Variants in RARB observed in about 807,000 individuals in gnomAD.
RARB encodes HBV-activated protein.
Under a neutral mutation model 51.9 loss-of-function variants are expected in RARB, and 17 were observed. The ratio of observed to expected loss-of-function variants is 0.33; its 90% CI spans 0.22 to 0.49. RARB has a LOEUF of 0.49. Among genes scored for constraint, RARB ranks in the 20% least tolerant of loss-of-function variants. RARB has a pLI of 0.99. For synonymous variants in RARB, 215 were observed against 195.4 expected (o/e 1.10, Z -0.84); for missense variants, 369 against 550.8 (o/e 0.67, Z 3.30).
intron 2 of RARB, among the ~76,000 whole-genome samples, chr3:24,982,901 C>T (rs148027886): frequency 1.5e-3 from 234 of 152,296 alleles, no homozygotes; most frequent in African/African-American, 5.4e-3. Context: ...CCTATGTCTT[C>T]ATGACCTTTA....
intron 3 of RARB, among the ~76,000 whole-genome samples, chr3:25,559,836 G>A (rs150205782): frequency 9.5e-4 from 144 of 152,228 alleles, no homozygotes; most frequent in African/African-American, 3.3e-3. Context: ...TGGGACAGAT[G>A]AATGGGCAGC....
At chr3:25,297,646 T>G (rs78040398) in intron 5 of RARB, among the ~76,000 whole-genome samples, 5,729 of 152,216 alleles carry the variant, frequency 0.038, 150 homozygotes, top group Middle Eastern at 0.068. Flanking sequence ...TTTTCCTTTA[T>G]CAGCGTAATT....
rs113341318 is a variant in RARB, at chr3:25,259,947, A to AG, written c.178+85378dup. ...TGTCTCTTTGGCATTCATGGAGGGG[A>AG]GGGGGGCAGTCAGTGTGGAGCCAAC... On this transcript the variant is annotated intron_variant, in intron 5 of 11. Coordinates refer to the RARB transcript ENST00000383772. The AG allele has an allele frequency of 5.1e-6, 5 of 985,100 alleles. No homozygotes were observed. The South Asian group carries it at 1.9e-4, about 37-fold the overall frequency. 61.0% of individuals were successfully genotyped at this position (985,100 alleles called of 1,614,324 possible).
At chr3:25,001,867 C>T (rs911982937) in intron 2 of RARB, among the ~76,000 whole-genome samples, 8 of 152,088 alleles carry the variant, frequency 5.3e-5, no homozygotes, top group Non-Finnish European at 1.0e-4. Context: ...AACCTCTGCC[C>T]TCCAAGCTCA....
intron 5 of RARB, among the ~76,000 whole-genome samples, chr3:25,373,596 G>A (rs905606980): frequency 6.6e-5 from 10 of 152,176 alleles, no homozygotes; most frequent in Non-Finnish European, 1.2e-4. Context: ...CTGTAGGTCA[G>A]TCACCCAATG....
At chr3:25,417,861 C>G (rs1006312422) in intron 5 of RARB, among the ~76,000 whole-genome samples, 2 of 152,204 alleles carry the variant, frequency 1.3e-5, no homozygotes, top group Non-Finnish European at 2.9e-5. Context: ...GTGTACATCT[C>G]TCTCACATAA....
At chr3:25,375,666 T>C (rs1411364174) in intron 5 of RARB, among the ~76,000 whole-genome samples, 2 of 152,312 alleles carry the variant, frequency 1.3e-5, no homozygotes, top group South Asian at 2.1e-4. Flanking sequence ...TAGCTATCAG[T>C]TGAAAACTGA....
chr3:24,974,903 T>C (rs1044882786), intron 2 of RARB, among the ~76,000 whole-genome samples: 2 of 152,108 alleles, frequency 1.3e-5, no homozygotes, highest in African/African-American at 4.8e-5. Context: ...ATTTTTGCAA[T>C]GATGGAAATG....
At chr3:25,145,105 G>A (rs575292999) in intron 4 of RARB, among the ~76,000 whole-genome samples, 2 of 152,140 alleles carry the variant, frequency 1.3e-5, no homozygotes, top group South Asian at 4.1e-4. Context: ...AGTTGTCTCA[G>A]CATCTAATTT....
chr3:25,419,220 G>C (rs1707792073), intron 5 of RARB, among the ~76,000 whole-genome samples: 1 of 152,136 alleles, frequency 6.6e-6, no homozygotes, highest in African/African-American at 2.4e-5. Flanking sequence ...TGTATACAGG[G>C]AGGGCATCTC....
chr3:25,566,245 T>A (rs939063184), intron 3 of RARB, among the ~76,000 whole-genome samples: 1 of 152,212 alleles, frequency 6.6e-6, no homozygotes, highest in Non-Finnish European at 1.5e-5. Flanking sequence ...AGAAAATTTG[T>A]CCGTCAACTT....
At chr3:25,001,630 C>A (rs148381033) in intron 2 of RARB, among the ~76,000 whole-genome samples, 172 of 152,270 alleles carry the variant, frequency 1.1e-3, no homozygotes, top group African/African-American at 3.9e-3. Flanking sequence ...TAACATGCTC[C>A]TTGTTCCACT....
intron 5 of RARB, among the ~76,000 whole-genome samples, chr3:25,347,441 A>C (rs1705428273): frequency 6.6e-6 from 1 of 152,234 alleles, no homozygotes; most frequent in African/African-American, 2.4e-5. Flanking sequence ...GTATTTGATG[A>C]TAGTGTTCTA....
At chr3:25,176,421 G>C (rs1446853258) in intron 5 of RARB, among the ~76,000 whole-genome samples, 4 of 142,958 alleles carry the variant, frequency 2.8e-5, no homozygotes, top group Admixed American at 7.3e-5. Flanking sequence ...TTTTGAGATG[G>C]TATCTCGCTC....
At chr3:24,874,351 T>A (rs961170188) in intron 2 of RARB, among the ~76,000 whole-genome samples, 25 of 152,236 alleles carry the variant, frequency 1.6e-4, no homozygotes, top group Middle Eastern at 3.4e-3. Context: ...TTAATTTTGT[T>A]CTTCATTGGT....
chr3:25,593,766 T>C, intron 6 of RARB, 59 bp downstream of exon 6: 1 of 1,526,444 alleles, frequency 6.6e-7, no homozygotes, highest in South Asian at 1.2e-5. Flanking sequence ...ATACTTGTAA[T>C]TTGTGAAAAA....
At chr3:24,986,868 C>T (rs955577165) in intron 2 of RARB, among the ~76,000 whole-genome samples, 15 of 152,096 alleles carry the variant, frequency 9.9e-5, no homozygotes, top group African/African-American at 2.2e-4. Flanking sequence ...AAGCGAACCT[C>T]AACAGTTTTA....
rs542633998 is a variant in RARB at position 25,443,936 on chromosome 3, G to GTAATAA, written c.157+15061_157+15066dup. 4.9e-4 allele frequency among the ~76,000 whole-genome samples: 75 copies of GTAATAA among 151,622 alleles called. No individual in the cohort carries two copies. In the East Asian group the frequency reaches 0.012, roughly 25 times the overall value. ...ACAGAGCTAGACTCTGTCTCAAAAA[G>GTAATAA]TAATAATAATAATAATAAAATAAAT... On this transcript the variant is annotated intron_variant, in intron 1 of 7. Coordinates refer to ENST00000330688, the MANE Select transcript of RARB (RefSeq NM_000965.5).
chr3:25,028,505 T>A (rs1260454763), intron 2 of RARB, among the ~76,000 whole-genome samples: 2 of 152,138 alleles, frequency 1.3e-5, no homozygotes, highest in Non-Finnish European at 2.9e-5. Flanking sequence ...TAGTTTCAAA[T>A]AATGGACTTG....
Sources: gnomAD v4.1 joint callset for allele counts (sites outside exome capture counted in the v4.1 genomes callset) on GRCh38, gnomAD v4.1.1 for gene constraint, MANE v1.5 for transcripts, NCBI Gene and HGNC (gene_info 2026-07-23, HGNC 2026-07-21) for gene names.